AP3D1: variants seen among roughly 807,000 people sequenced by gnomAD.
AP3D1 encodes AP-3 complex subunit delta-1.
In AP3D1, 51 loss-of-function variants were observed where a neutral mutation model predicts 147.6. That is an observed-to-expected ratio of 0.35 (90% confidence interval 0.28 to 0.44). The LOEUF (loss-of-function observed/expected upper bound fraction) is 0.44, where lower values mean the gene tolerates loss of function less well. Ranked by LOEUF, AP3D1 falls within the 20% of genes least tolerant of loss-of-function variation. The pLI, the probability that AP3D1 is intolerant of heterozygous loss-of-function variation, is 1.00. For synonymous variants in AP3D1, 760 were observed against 663.0 expected, an observed-to-expected ratio of 1.15 and a Z score of -2.25; for missense variants, 1,421 against 1,624.2, an observed-to-expected ratio of 0.87 and a Z score of 2.15.
At chr19:2,106,866 A>G (rs2018124877) in intron 31 of AP3D1, among the ~76,000 whole-genome samples, 1 of 152,220 alleles carries the variant, frequency 6.6e-6, no homozygotes, top group South Asian at 2.1e-4. Context: ...TCACAAAGAC[A>G]CAAAGTAGAA....
At chr19:2,163,851 C>T (rs550371670) in intron 1 of AP3D1, among the ~76,000 whole-genome samples, 8 of 150,138 alleles carry the variant, frequency 5.3e-5, no homozygotes, top group African/African-American at 1.9e-4. Context: ...GGTCGGCCCG[C>T]TGGGCGGCGG....
intron 14 of AP3D1, 150 bp downstream of exon 14, chr19:2,120,712 G>A (rs924714469): frequency 2.8e-6 from 2 of 706,346 alleles, no homozygotes; most frequent in African/African-American, 3.5e-5. Flanking sequence ...CATTGTCAGG[G>A]GACAGGTGCT....
chr19:2,102,988 A>C (rs868431333), intron 31 of AP3D1, among the ~76,000 whole-genome samples: 13 of 149,030 alleles, frequency 8.7e-5, no homozygotes, highest in South Asian at 2.1e-4. Flanking sequence ...GCCAGGCCGG[A>C]TGGCTCATGC....
chr19:2,137,319 T>G (rs145775733), intron 3 of AP3D1, among the ~76,000 whole-genome samples: 18 of 152,088 alleles, frequency 1.2e-4, no homozygotes, highest in African/African-American at 3.6e-4. Context: ...TATGTGTTTT[T>G]TTTTTTTTCT....
rs1305098723 is a variant in AP3D1, at chr19:2,115,557, G to A, written c.2130C>T (p.Ser710=). Residue 710 remains serine, a synonymous_variant, in exon 19 of 32, where the codon TCC becomes TCT. Coordinates refer to ENST00000643116, the MANE Select transcript of AP3D1 (RefSeq NM_001261826.3). The part of the protein sequence containing the change: ...EHIPVVQIDL[S]VPLKVPGLPM... ...ACTTGCCTGGAACCTTCAAGGGGAC[G>A]GAGAGGTCAATCTGCACCACGGGAA... 23 of 1,613,174 alleles carry A rather than the reference G, an allele frequency of 1.4e-5. No homozygotes were observed. In the East Asian group the frequency reaches 2.7e-4, roughly 19 times the overall value.
chr19:2,145,337 C>T (rs906024712), intron 1 of AP3D1, among the ~76,000 whole-genome samples: 2 of 152,226 alleles, frequency 1.3e-5, no homozygotes, highest in African/African-American at 4.8e-5. Context: ...CCCCACATCC[C>T]TCCGCCTGTC....
intron 1 of AP3D1, among the ~76,000 whole-genome samples, chr19:2,161,462 G>A (rs1396119410): frequency 6.6e-6 from 1 of 151,802 alleles, no homozygotes; most frequent in Non-Finnish European, 1.5e-5. Context: ...GCTCCTGGCT[G>A]TCTGGGCCTG....
In AP3D1 at chr19:2,116,689, C is replaced by T; in HGVS notation, c.1917G>A (p.Glu639=). The T allele has an allele frequency of 6.2e-7, 1 of 1,610,432 alleles. No individual in the cohort carries two copies. The highest frequency in any genetic ancestry group is 8.5e-7 in the Non-Finnish European group (1 of 1,178,708). ...EPLSDSESED[E]RPRAVFHEEE... is the part of the protein sequence containing the mutation. ...CCTCGTGGAAGACGGCCCTGGGCCT[C>T]TCGTCCTCTGACTCGCTGTCCGAGA... Residue 639 remains glutamate, a synonymous_variant, in exon 17 of 32, where the codon GAG becomes GAA. Transcript: ENST00000643116.
At chr19:2,163,935 T>A (rs951020568) in intron 1 of AP3D1, among the ~76,000 whole-genome samples, 4 of 149,334 alleles carry the variant, frequency 2.7e-5, no homozygotes, top group Non-Finnish European at 6.0e-5. Flanking sequence ...CCCGGCTCAT[T>A]GTGCTCGCTT....
In AP3D1 at chr19:2,128,149, G is replaced by A. The variant is rs555789373; in HGVS notation, c.806+941C>T. Reference sequence around the variant, plus strand: ...TCCCTGCAGTGGGGGCCGGGGAGGGGTCCTGGCTCCGCCTCAGCACTTGGT... The same window carrying A: ...TCCCTGCAGTGGGGGCCGGGGAGGGATCCTGGCTCCGCCTCAGCACTTGGT... On this transcript the variant is annotated intron_variant, in intron 8 of 31. Coordinates refer to ENST00000643116, the MANE Select transcript of AP3D1 (RefSeq NM_001261826.3). Among the ~76,000 whole-genome samples the A allele has an allele frequency of 1.5e-3, 228 of 152,220 alleles. 1 individual carries two copies. The highest frequency in any genetic ancestry group is 3.4e-3 in the Middle Eastern group (1 of 294).
At chr19:2,138,760 G>A (rs1300858675) in intron 1 of AP3D1, 46 bp from the exon 2 acceptor site, 6 of 1,379,344 alleles carry the variant, frequency 4.3e-6, no homozygotes, top group South Asian at 2.3e-5. Flanking sequence ...CCAGCTAAGA[G>A]GGCTGGAATA....
At chr19:2,113,028 C>A in intron 23 of AP3D1, 61 bp from the exon 24 acceptor site, 1 of 1,239,472 alleles carries the variant, frequency 8.1e-7, no homozygotes, top group African/African-American at 1.5e-5. Context: ...TCCACTGCAC[C>A]CCAGACAGCC....
intron 1 of AP3D1, among the ~76,000 whole-genome samples, chr19:2,145,168 G>GGACGTGA: frequency 6.6e-6 from 1 of 152,242 alleles, no homozygotes. Flanking sequence ...ACACCAGGAA[G>GGACGTGA]GACGTGAGGC....
intron 22 of AP3D1, among the ~76,000 whole-genome samples, chr19:2,113,829 C>T (rs139562358): frequency 1.3e-5 from 2 of 152,218 alleles, no homozygotes; most frequent in African/African-American, 2.4e-5. Flanking sequence ...TGGAGCTGCA[C>T]GTGAGGGTGG....
chr19:2,110,666 CCA>C lies in AP3D1; in HGVS notation c.3175+39_3175+40del, dbSNP rs747716229. 170 of 1,518,944 alleles carry C rather than the reference CCA, an allele frequency of 1.1e-4. No individual in the cohort carries two copies. In the African/African-American group the frequency reaches 1.9e-3, roughly 17 times the overall value. 94.1% of individuals were successfully genotyped at this position (1,518,944 alleles called of 1,614,324 possible). A position where few individuals can be genotyped will look rare whatever the true frequency, so the allele number is the denominator to read the frequency against. ...GCAGTCACCAGCTGCCACTGCGCTC[CCA>C]CAGTCCCCAGGAGAGGCCGTGAGTG... On this transcript the variant is annotated intron_variant, in intron 27 of 31. Coordinates refer to ENST00000643116, the MANE Select transcript of AP3D1 (RefSeq NM_001261826.3).
rs2018392841 is a variant in AP3D1, at chr19:2,114,789, G to A, written c.2382C>T (p.Asp794=). ...CCAGAGCCCTGTAGGGGTCGTTGGG[G>A]TCTTTGTCATCCTCGTCGCTGGGCA... ...NALPSDEDDK[D]PNDPYRALDI... The change falls in exon 21 of 32, where the codon GAC becomes GAT. Residue 794 remains aspartate (D), a synonymous_variant. Coordinates refer to ENST00000643116, the MANE Select transcript of AP3D1 (RefSeq NM_001261826.3). The A allele has an allele frequency of 6.2e-7, 1 of 1,614,090 alleles. No individual in the cohort carries two copies. The highest frequency in any genetic ancestry group is 8.5e-7 in the Non-Finnish European group (1 of 1,179,974).
rs1432617231 is a variant in AP3D1 at position 2,151,408 on chromosome 19, G to T, written c.-74C>A. 4.0e-6 allele frequency: 4 copies of T among 1,008,546 alleles called. No homozygotes were observed. The highest frequency in any genetic ancestry group is 9.5e-5 in the East Asian group (2 of 21,122). 62.5% of individuals were successfully genotyped at this position (1,008,546 alleles called of 1,614,324 possible). A position where few individuals can be genotyped will look rare whatever the true frequency, so the allele number is the denominator to read the frequency against. ...GTGAGGGGGCCCGGGGCCCGTGCCT[G>T]CCGCCCGCGGAGCGCCGCGCTGCCG... On this transcript the variant is annotated 5_prime_UTR_variant, in exon 1 of 32. Coordinates refer to ENST00000643116, the MANE Select transcript of AP3D1 (RefSeq NM_001261826.3).
intron 8 of AP3D1, 109 bp from the exon 9 acceptor site, chr19:2,127,310 G>C: frequency 1.6e-6 from 2 of 1,224,080 alleles, no homozygotes; most frequent in African/African-American, 1.5e-5. Context: ...ACGGCTCAGG[G>C]AGTGTGCCCC....
rs1113952 is a variant in AP3D1 at position 2,158,800 on chromosome 19, G to C, written c.-103+5556C>G. ...TTGCTAATCTGTTAGTCCTGCAAAG[G>C]CAGTCTAGTCCCCAGGCAAGAAAGG... On this transcript the variant is annotated intron_variant, in intron 1 of 14. Coordinates refer to the AP3D1 transcript ENST00000643010. 2.4e-3 allele frequency among the ~76,000 whole-genome samples: 366 copies of C among 152,220 alleles called. 5 individuals carry two copies. Among genetic ancestry groups the C allele is most frequent in the African/African-American group, 8.4e-3 (349 of 41,544 alleles).
Sources: allele counts gnomAD v4.1 joint callset (sites outside exome capture counted in the v4.1 genomes callset), GRCh38; gene constraint gnomAD v4.1.1; transcripts MANE v1.5; gene names NCBI Gene and HGNC (gene_info 2026-07-23, HGNC 2026-07-21).